The following NRXN3 variants were observed in gnomAD, a reference collection of about 807,000 sequenced individuals.
The protein encoded by NRXN3 is neurexin 3, also known as neurexin III.
Under a neutral mutation model 137.6 loss-of-function variants are expected in NRXN3, and 32 were observed. The ratio of observed to expected loss-of-function variants is 0.23; its 90% CI spans 0.18 to 0.31. The LOEUF (loss-of-function observed/expected upper bound fraction) is 0.31. Among genes scored for constraint, NRXN3 ranks in the 10% least tolerant of loss-of-function variants. The probability of loss-of-function intolerance (pLI) is 1.00; values close to 1 mark genes in which losing one functional copy is unlikely to be tolerated. For missense variants in NRXN3, 1,574 were observed against 2,062.5 expected (o/e 0.76, Z 4.59); for synonymous variants, 798 against 784.5 (o/e 1.02, Z -0.29).
chr14:78,471,226 C>G (rs1686083914), intron 4 of NRXN3, among the ~76,000 whole-genome samples: 1 of 151,872 alleles, frequency 6.6e-6, no homozygotes, highest in South Asian at 2.1e-4. Context: ...CAAAATAAAA[C>G]TGGTACATGA....
intron 16 of NRXN3, among the ~76,000 whole-genome samples, chr14:79,484,323 C>A (rs2096636082): frequency 6.6e-6 from 1 of 152,186 alleles, no homozygotes. Context: ...GGTTCCTGAT[C>A]TTAGAGTACA....
In NRXN3 at chr14:79,133,846, G is replaced by A. The variant is rs185307567; in HGVS notation, c.3262+145705G>A. Among the ~76,000 whole-genome samples, 429 of 151,398 alleles carry A rather than the reference G, an allele frequency of 2.8e-3. 1 individual carries two copies. Among genetic ancestry groups the A allele is most frequent in the African/African-American group, 1.0e-2 (411 of 41,250 alleles). ...CGGGAGGCTGAGGCAGGAGAATGGC[G>A]TGAACCCAGGAGGTGGAGCTTGCAG... On this transcript the variant is annotated intron_variant, in intron 15 of 20. Coordinates refer to ENST00000335750, the MANE Select transcript of NRXN3 (RefSeq NM_001330195.2).
intron 1 of NRXN3, among the ~76,000 whole-genome samples, chr14:78,201,493 G>C (rs1234297224): frequency 6.6e-6 from 1 of 152,196 alleles, no homozygotes; most frequent in Non-Finnish European, 1.5e-5. Context: ...CTCACGTTCT[G>C]TCCTTCCTTG....
intron 4 of NRXN3, among the ~76,000 whole-genome samples, chr14:78,424,997 G>T (rs117103970): frequency 6.6e-6 from 1 of 152,176 alleles, no homozygotes; most frequent in Admixed American, 6.5e-5. Context: ...TGAGGACAGT[G>T]GCTTGTCTGA....
intron 19 of NRXN3, among the ~76,000 whole-genome samples, chr14:79,743,264 G>A (rs940881896): frequency 7.2e-5 from 11 of 152,178 alleles, no homozygotes; most frequent in African/African-American, 2.7e-4. Context: ...CATAGGCTAC[G>A]TGACTGTCGG....
Position 79,861,144 on chromosome 14 carries a change from T to C in NRXN3, c.4094-198T>C. ...CTCCCCCCTACCTTTCGCCCCCTCC[T>C]CACCATTATTGAGACCACCAAAGAT... On this transcript the variant is annotated intron_variant, in intron 20 of 20. Transcript: ENST00000335750. The surrounding 1 kb of genome is among the most constrained non-coding windows in gnomAD (Gnocchi z 5.4). 6.7e-7 allele frequency: 1 copy of C among 1,494,846 alleles called. No homozygotes were observed. Among genetic ancestry groups the C allele is most frequent in the Non-Finnish European group, 8.9e-7 (1 of 1,125,098 alleles). 92.6% of individuals were successfully genotyped at this position (1,494,846 alleles called of 1,614,324 possible). A position where few individuals can be genotyped will look rare whatever the true frequency, so the allele number is the denominator to read the frequency against.
intron 1 of NRXN3, among the ~76,000 whole-genome samples, chr14:78,181,217 C>T (rs1004054493): frequency 2.6e-5 from 4 of 152,194 alleles, no homozygotes; most frequent in Non-Finnish European, 4.4e-5. Context: ...TCGATATGCC[C>T]GAAATGCCTA....
intron 4 of NRXN3, among the ~76,000 whole-genome samples, chr14:78,612,931 T>A (rs938795533): frequency 2.0e-5 from 3 of 152,234 alleles, no homozygotes; most frequent in Non-Finnish European, 4.4e-5. Context: ...TTTCTTTCCC[T>A]GTATAGTTAT....
chr14:79,552,777 G>A (rs1008449007), intron 16 of NRXN3, among the ~76,000 whole-genome samples: 23 of 152,180 alleles, frequency 1.5e-4, no homozygotes, highest in African/African-American at 4.8e-4. Context: ...ACAGAACTGC[G>A]CTTCAAACAA....
chr14:78,426,436 C>T (rs1040259089), intron 4 of NRXN3, among the ~76,000 whole-genome samples: 1 of 152,194 alleles, frequency 6.6e-6, no homozygotes, highest in Admixed American at 6.5e-5. Context: ...CTTCTAGGTT[C>T]CTGGCTGGGG....
intron 8 of NRXN3, among the ~76,000 whole-genome samples, chr14:78,757,391 G>T (rs1053775150): frequency 1.4e-5 from 2 of 144,508 alleles, no homozygotes; most frequent in African/African-American, 5.6e-5. Flanking sequence ...CTGGGCGACA[G>T]AGAGAGATTC....
chr14:78,231,960 C>T (rs1175948929), intron 1 of NRXN3, among the ~76,000 whole-genome samples: 1 of 152,232 alleles, frequency 6.6e-6, no homozygotes, highest in African/African-American at 2.4e-5. Context: ...TACACTGTCC[C>T]CTTTCTAGGG....
At chr14:79,740,073 T>C (rs905572675) in intron 19 of NRXN3, among the ~76,000 whole-genome samples, 1 of 152,128 alleles carries the variant, frequency 6.6e-6, no homozygotes, top group Admixed American at 6.5e-5. Context: ...CTGCCAACCT[T>C]CCTTTTCCTT....
chr14:78,973,479 A>G (rs902835518), intron 14 of NRXN3, among the ~76,000 whole-genome samples: 1 of 152,186 alleles, frequency 6.6e-6, no homozygotes, highest in Non-Finnish European at 1.5e-5. Context: ...ATGTCATTAA[A>G]ATGTTTCAGA....
intron 15 of NRXN3, chr14:79,280,217 G>A: frequency 1.3e-6 from 2 of 1,585,738 alleles, no homozygotes; most frequent in Non-Finnish European, 1.7e-6. Context: ...ATGGGCCCTT[G>A]GGCATCATGA....
At chr14:78,227,096 C>T (rs2064775015) in intron 1 of NRXN3, among the ~76,000 whole-genome samples, 1 of 152,126 alleles carries the variant, frequency 6.6e-6, no homozygotes, top group Non-Finnish European at 1.5e-5. Context: ...ATTATGGTAC[C>T]ATGATTAATT....
chr14:79,358,612 A>AGAAAGAAG (rs1356998245), intron 15 of NRXN3, among the ~76,000 whole-genome samples: 27 of 119,242 alleles, frequency 2.3e-4, no homozygotes, highest in African/African-American at 7.8e-4. Flanking sequence ...AGAAAGAGAA[A>AGAAAGAAG]GAAAGAAAGA....
intron 15 of NRXN3, among the ~76,000 whole-genome samples, chr14:79,349,644 A>C (rs937929947): frequency 1.3e-5 from 2 of 151,886 alleles, no homozygotes; most frequent in Non-Finnish European, 2.9e-5. Context: ...AAAAACCTTA[A>C]AACCTCTAGT....
chr14:79,463,409 A>C (rs2096378616), intron 15 of NRXN3, among the ~76,000 whole-genome samples: 9 of 152,056 alleles, frequency 5.9e-5, no homozygotes, highest in Admixed American at 5.9e-4. Flanking sequence ...CATCAGCTCC[A>C]TCACAGTAAG....
Sources: gnomAD v4.1 joint callset for allele counts (sites outside exome capture counted in the v4.1 genomes callset) on GRCh38, gnomAD v4.1.1 for gene constraint, Gnocchi (gnomAD v3.1) non-coding constraint, MANE v1.5 for transcripts, NCBI Gene and HGNC (gene_info 2026-07-23, HGNC 2026-07-21) for gene names.